Variants in JAM2 observed in about 807,000 individuals in gnomAD.
The protein encoded by JAM2 is junctional adhesion molecule B.
JAM2 carries 17 observed loss-of-function variants against 42.0 expected under a neutral mutation model. The observed-to-expected ratio is 0.40, with a 90% confidence interval of 0.28 to 0.61. JAM2 has a LOEUF of 0.61. Among genes scored for constraint, JAM2 ranks in the 20% least tolerant of loss-of-function variants. The probability of loss-of-function intolerance (pLI) is 0.37; values close to 1 mark genes in which losing one functional copy is unlikely to be tolerated. For synonymous variants in JAM2, 118 were observed against 128.6 expected (o/e 0.92, Z 0.56); for missense variants, 319 against 358.3 (o/e 0.89, Z 0.89).
chr21:25,709,486 A>G (rs2034339924), intron 8 of JAM2, 37 bp downstream of exon 8: 3 of 1,356,136 alleles, frequency 2.2e-6, no homozygotes, highest in Non-Finnish European at 3.1e-6. Flanking sequence ...TCTTTCTCCT[A>G]TGTCAACTAA....
At chr21:25,703,919 C>T (rs188273073) in intron 6 of JAM2, among the ~76,000 whole-genome samples, 1 of 152,276 alleles carries the variant, frequency 6.6e-6, no homozygotes, top group Non-Finnish European at 1.5e-5. Context: ...ACTCTTCTGT[C>T]TCCCATTTCA....
At chr21:25,672,209 C>T (rs2033378612) in intron 1 of JAM2, among the ~76,000 whole-genome samples, 1 of 152,030 alleles carries the variant, frequency 6.6e-6, no homozygotes, top group Non-Finnish European at 1.5e-5. Context: ...ATCAGCCTCC[C>T]AAGTAACTGG....
rs753696989 is a variant in JAM2 at position 25,693,852 on chromosome 21, C to T, written c.338C>T (p.Ala113Val). Residue 113 changes from alanine (A) to valine (V), a missense_variant, in exon 4 of 10, where the codon GCC (alanine) becomes GTC (valine). Physicochemically the swap from Ala to Val is moderately conservative, Grantham distance 64. Coordinates refer to ENST00000480456, the MANE Select transcript of JAM2 (RefSeq NM_021219.4). The stretch of plus-strand genomic sequence containing the variant: ...GGGAAATATCGTTGTGAAGTTAGTG[C>T]CCCATCTGAGCAAGGCCAAAACCTG... ...DAGKYRCEVS[A>V]PSEQGQNLEE... 1.2e-6 allele frequency: 2 copies of T among 1,614,042 alleles called. No homozygotes were observed. The highest frequency in any genetic ancestry group is 1.7e-5 in the Admixed American group (1 of 60,026).
intron 1 of JAM2, among the ~76,000 whole-genome samples, chr21:25,642,961 C>G (rs1331042418): frequency 6.6e-6 from 1 of 152,322 alleles, no homozygotes; most frequent in African/African-American, 2.4e-5. Context: ...ATAGATGGAG[C>G]CTTCTCAGGG....
chr21:25,674,821 C>G (rs2033445161), intron 1 of JAM2, among the ~76,000 whole-genome samples: 3 of 151,656 alleles, frequency 2.0e-5, no homozygotes, highest in South Asian at 4.2e-4. Context: ...ACCATAATAT[C>G]TAGCTCCAAA....
chr21:25,699,708 G>A (rs1189881785), intron 5 of JAM2, among the ~76,000 whole-genome samples: 1 of 114,750 alleles, frequency 8.7e-6, no homozygotes, highest in African/African-American at 3.3e-5. Flanking sequence ...GGGTGACAGA[G>A]CCAGGCTCCG....
At chr21:25,663,213 C>A (rs774793022) in intron 1 of JAM2, among the ~76,000 whole-genome samples, 1 of 152,092 alleles carries the variant, frequency 6.6e-6, no homozygotes, top group Non-Finnish European at 1.5e-5. Context: ...CAAAGGAAGG[C>A]TGGAAAGATG....
intron 1 of JAM2, among the ~76,000 whole-genome samples, chr21:25,660,069 C>G (rs2033037430): frequency 6.6e-6 from 1 of 152,082 alleles, no homozygotes; most frequent in Admixed American, 6.6e-5. Flanking sequence ...AGGCCACCCC[C>G]GACCATGCTC....
chr21:25,700,983 T>A (rs746359535), intron 5 of JAM2, among the ~76,000 whole-genome samples: 1 of 152,238 alleles, frequency 6.6e-6, no homozygotes, highest in Non-Finnish European at 1.5e-5. Flanking sequence ...GGATACAGAT[T>A]CACTTTCCTC....
At chr21:25,665,495 G>A (rs1271530942) in intron 1 of JAM2, among the ~76,000 whole-genome samples, 1 of 152,176 alleles carries the variant, frequency 6.6e-6, no homozygotes, top group Non-Finnish European at 1.5e-5. Context: ...CAAGACATGT[G>A]TGTATGTGTG....
chr21:25,659,623 C>G (rs1353402752), intron 1 of JAM2, among the ~76,000 whole-genome samples: 1 of 151,994 alleles, frequency 6.6e-6, no homozygotes, highest in Non-Finnish European at 1.5e-5. Flanking sequence ...GAGACTTTTT[C>G]TGTGTTTTAT....
rs144006093 is a variant in JAM2, at chr21:25,651,229, T to G, written c.67+11341T>G. Among the ~76,000 whole-genome samples, 783 of 152,278 alleles carry G rather than the reference T, an allele frequency of 5.1e-3. 13 individuals are homozygous for G. Among genetic ancestry groups the G allele is most frequent in the African/African-American group, 0.018 (750 of 41,568 alleles). ...AAGTTACATCTCTGACAGAGTATTA[T>G]CACTGATATAAAAGGAACCCCTAAA... is the stretch of plus-strand genomic sequence containing the variant. On this transcript the variant is annotated intron_variant, in intron 1 of 9. Transcript: ENST00000480456.
At chr21:25,673,867 G>A (rs1222912429) in intron 1 of JAM2, among the ~76,000 whole-genome samples, 1 of 152,186 alleles carries the variant, frequency 6.6e-6, no homozygotes, top group Non-Finnish European at 1.5e-5. Context: ...GCTGTGGGAG[G>A]GACCTGGTGG....
chr21:25,686,897 C>G (rs2033763613), intron 2 of JAM2, among the ~76,000 whole-genome samples: 1 of 152,106 alleles, frequency 6.6e-6, no homozygotes, highest in Non-Finnish European at 1.5e-5. Flanking sequence ...CATGTTGTTG[C>G]TAATGCTTTT....
At position 25,683,878 on chromosome 21, in the gene JAM2, T is replaced by G; in HGVS notation, c.68-5T>G. On this transcript the variant is annotated splice_polypyrimidine_tract_variant and splice_region_variant and intron_variant, in intron 1 of 9. Coordinates refer to ENST00000480456, the MANE Select transcript of JAM2 (RefSeq NM_021219.4). ...TTAATTATCCTATCTGTTTTAATCT[T>G]TCAGATCATAAGGCCTATGGGTTTT... The G allele has an allele frequency of 1.3e-6, 2 of 1,592,310 alleles. No homozygotes were observed. Among genetic ancestry groups the G allele is most frequent in the Non-Finnish European group, 8.6e-7 (1 of 1,161,440 alleles).
intron 1 of JAM2, among the ~76,000 whole-genome samples, chr21:25,665,909 G>T (rs1439167440): frequency 6.6e-6 from 1 of 152,090 alleles, no homozygotes; most frequent in East Asian, 1.9e-4. Flanking sequence ...GCGTGGTGGT[G>T]CATGCCTGTG....
At chr21:25,683,039 G>A (rs966624049) in intron 1 of JAM2, among the ~76,000 whole-genome samples, 3 of 152,114 alleles carry the variant, frequency 2.0e-5, no homozygotes, top group Non-Finnish European at 4.4e-5. Flanking sequence ...GGGGCATGGT[G>A]GGACAAAAGG....
At chr21:25,714,491 C>A in intron 9 of JAM2, 149 bp from the exon 10 acceptor site, 1 of 608,748 alleles carries the variant, frequency 1.6e-6, no homozygotes, top group African/African-American at 2.0e-5. Flanking sequence ...GAGCAAGATT[C>A]CATCTCAAAA....
chr21:25,681,668 CTT>C (rs1185783717), intron 1 of JAM2, among the ~76,000 whole-genome samples: 2 of 152,178 alleles, frequency 1.3e-5, no homozygotes, highest in Non-Finnish European at 2.9e-5. Flanking sequence ...ATATTGTATA[CTT>C]ACAATACTTT....
Sources: allele counts gnomAD v4.1 joint callset (sites outside exome capture counted in the v4.1 genomes callset), GRCh38; gene constraint gnomAD v4.1.1; transcripts MANE v1.5; gene names NCBI Gene and HGNC (gene_info 2026-07-23, HGNC 2026-07-21).